SORCS3: variants seen among roughly 807,000 people sequenced by gnomAD.
SORCS3 encodes VPS10 domain-containing receptor SorCS3.
Under a neutral mutation model 146.3 loss-of-function variants are expected in SORCS3, and 57 were observed. That is an observed-to-expected ratio of 0.39 (90% confidence interval 0.31 to 0.49). The LOEUF is 0.49. Among genes scored for constraint, SORCS3 ranks in the 20% least tolerant of loss-of-function variants. The pLI is 0.92. For missense variants in SORCS3, 1,341 were observed against 1,575.5 expected, an observed-to-expected ratio of 0.85 and a Z score of 2.52; for synonymous variants, 653 against 618.5, an observed-to-expected ratio of 1.06 and a Z score of -0.83.
chr10:105,040,889 A>G (rs2055333606), intron 4 of SORCS3, among the ~76,000 whole-genome samples: 1 of 151,568 alleles, frequency 6.6e-6, no homozygotes, highest in Admixed American at 6.6e-5. Context: ...AATCATGTAT[A>G]TATTTTCTGT....
intron 14 of SORCS3, among the ~76,000 whole-genome samples, chr10:105,195,095 A>G (rs1031424804): frequency 1.3e-5 from 2 of 152,150 alleles, no homozygotes; most frequent in African/African-American, 4.8e-5. Flanking sequence ...CCTTTTAATG[A>G]TGCTCCATGC....
intron 3 of SORCS3, among the ~76,000 whole-genome samples, chr10:104,956,549 CCTT>C (rs1257504667): frequency 1.3e-5 from 2 of 152,136 alleles, no homozygotes; most frequent in East Asian, 3.9e-4. Context: ...TGTTATTTCT[CCTT>C]CTCATCATCT....
intron 9 of SORCS3, among the ~76,000 whole-genome samples, chr10:105,150,888 C>G (rs563829222): frequency 2.0e-5 from 3 of 152,122 alleles, no homozygotes; most frequent in Non-Finnish European, 4.4e-5. Flanking sequence ...TGATTATGTA[C>G]CATACGGCCA....
At chr10:105,227,099 G>A (rs1263779638) in intron 20 of SORCS3, among the ~76,000 whole-genome samples, 1 of 151,412 alleles carries the variant, frequency 6.6e-6, no homozygotes, top group African/African-American at 2.4e-5. Context: ...TACTAATTTG[G>A]GGTTTTATTT....
chr10:105,151,369 C>G (rs1050533130), intron 9 of SORCS3, among the ~76,000 whole-genome samples: 1 of 152,128 alleles, frequency 6.6e-6, no homozygotes, highest in Non-Finnish European at 1.5e-5. Flanking sequence ...GCTAGTATTT[C>G]TTTATCTTTT....
At chr10:105,079,694 G>A (rs879409755) in intron 5 of SORCS3, among the ~76,000 whole-genome samples, 4 of 152,140 alleles carry the variant, frequency 2.6e-5, no homozygotes, top group Non-Finnish European at 5.9e-5. Context: ...GTACCCTATA[G>A]TTATATTTTC....
At chr10:105,150,982 A>G (rs1011566840) in intron 9 of SORCS3, among the ~76,000 whole-genome samples, 8 of 152,166 alleles carry the variant, frequency 5.3e-5, no homozygotes, top group African/African-American at 1.9e-4. Context: ...TTCACATTCA[A>G]TTCAGCTAAA....
intron 3 of SORCS3, among the ~76,000 whole-genome samples, chr10:104,928,842 C>T (rs1415450243): frequency 2.0e-5 from 3 of 152,176 alleles, no homozygotes; most frequent in Non-Finnish European, 4.4e-5. Context: ...AGCCCTATGT[C>T]GAGGGCCTCC....
At chr10:105,010,567 A>G (rs1221653359) in intron 4 of SORCS3, among the ~76,000 whole-genome samples, 2 of 152,202 alleles carry the variant, frequency 1.3e-5, no homozygotes, top group African/African-American at 4.8e-5. Flanking sequence ...GTGATTTTCC[A>G]CTGCATTACC....
intron 16 of SORCS3, among the ~76,000 whole-genome samples, chr10:105,204,209 A>G (rs1215149898): frequency 1.3e-5 from 2 of 152,062 alleles, no homozygotes; most frequent in Non-Finnish European, 2.9e-5. Flanking sequence ...AACATCTTGG[A>G]TATAGGTTAC....
At chr10:104,692,744 A>G (rs2016128478) in intron 1 of SORCS3, among the ~76,000 whole-genome samples, 1 of 152,228 alleles carries the variant, frequency 6.6e-6, no homozygotes, top group South Asian at 2.1e-4. Flanking sequence ...AAGTTCAGAA[A>G]CAATTCATGG....
rs1468807938 is a variant in SORCS3, at chr10:105,252,840, G to A, written c.3171G>A (p.Glu1057=). The A allele has an allele frequency of 6.2e-7, 1 of 1,614,076 alleles. No individual in the cohort carries two copies. The highest frequency in any genetic ancestry group is 1.1e-5 in the South Asian group (1 of 91,076). The stretch of plus-strand genomic sequence containing the variant: ...TTCCTGGTCTCCCCACTTCAGCAGA[G>A]CTTTTCATTCTTCCACCCAAGAACC... The part of the protein sequence containing the change: ...AVFPGLPTSA[E]LFILPPKNLT... The change falls in exon 23 of 27, where the codon GAG becomes GAA. Residue 1057 remains glutamate, a synonymous_variant. Transcript: ENST00000369701.
At chr10:105,172,006 C>T (rs72817775) in intron 13 of SORCS3, among the ~76,000 whole-genome samples, 5 of 152,058 alleles carry the variant, frequency 3.3e-5, no homozygotes, top group Non-Finnish European at 7.4e-5. Context: ...GCCCACCTTA[C>T]GTAGTTCCCA....
At chr10:105,195,998 A>G (rs1253123123) in intron 14 of SORCS3, among the ~76,000 whole-genome samples, 1 of 152,136 alleles carries the variant, frequency 6.6e-6, no homozygotes, top group African/African-American at 2.4e-5. Context: ...AAAGAAGCCA[A>G]AGAAATGCAC....
chr10:104,731,442 CATCTCT>C (rs1463318031), intron 1 of SORCS3, among the ~76,000 whole-genome samples: 4 of 152,190 alleles, frequency 2.6e-5, no homozygotes, highest in Non-Finnish European at 4.4e-5. Context: ...AACTCTAAAT[CATCTCT>C]ATCCCAGAAG....
At chr10:104,848,699 G>T (rs1043846999) in intron 2 of SORCS3, among the ~76,000 whole-genome samples, 2 of 152,146 alleles carry the variant, frequency 1.3e-5, no homozygotes, top group Admixed American at 6.5e-5. Flanking sequence ...GTTTGCTGTG[G>T]TAATCAATCT....
intron 6 of SORCS3, among the ~76,000 whole-genome samples, chr10:105,092,303 G>A (rs2055715919): frequency 6.6e-6 from 1 of 152,142 alleles, no homozygotes; most frequent in Non-Finnish European, 1.5e-5. Flanking sequence ...TAAATGTCTT[G>A]TGCTGTACTT....
At chr10:105,031,823 G>C (rs1021075248) in intron 4 of SORCS3, among the ~76,000 whole-genome samples, 18 of 152,158 alleles carry the variant, frequency 1.2e-4, no homozygotes, top group African/African-American at 4.3e-4. Context: ...TTCTCTACCA[G>C]CTAATCCAAG....
chr10:105,241,015 A>G (rs996561933), intron 20 of SORCS3, among the ~76,000 whole-genome samples: 6 of 151,876 alleles, frequency 4.0e-5, no homozygotes, highest in Admixed American at 1.3e-4. Flanking sequence ...TAAATCTCCT[A>G]CTAATGAATT....
Sources: gnomAD v4.1 joint callset for allele counts (sites outside exome capture counted in the v4.1 genomes callset) on GRCh38, gnomAD v4.1.1 for gene constraint, MANE v1.5 for transcripts, NCBI Gene and HGNC (gene_info 2026-07-23, HGNC 2026-07-21) for gene names.